Variants in ERC2 observed in about 807,000 individuals in gnomAD.
ERC2 encodes ERC protein 2.
Under a neutral mutation model 114.8 loss-of-function variants are expected in ERC2, and 42 were observed. The ratio of observed to expected loss-of-function variants is 0.37; its 90% CI spans 0.29 to 0.47. The LOEUF (loss-of-function observed/expected upper bound fraction) is 0.47. Among genes scored for constraint, ERC2 ranks in the 20% least tolerant of loss-of-function variants. The pLI, the probability that ERC2 is intolerant of heterozygous loss-of-function variation, is 0.99. For synonymous variants in ERC2, 454 were observed against 425.5 expected (o/e 1.07, Z -0.82); for missense variants, 939 against 1,150.7 (o/e 0.82, Z 2.66).
intron 17 of ERC2, among the ~76,000 whole-genome samples, chr3:55,677,583 G>A (rs2061871261): frequency 6.6e-6 from 1 of 152,060 alleles, no homozygotes; most frequent in Non-Finnish European, 1.5e-5. Context: ...CAGCCCTGGG[G>A]GTGTCACAAC....
chr3:56,339,498 G>A (rs1378051365), intron 2 of ERC2, among the ~76,000 whole-genome samples: 1 of 152,126 alleles, frequency 6.6e-6, no homozygotes. Flanking sequence ...GGTCATAAAG[G>A]AGCTGAGAGG....
chr3:56,452,450 T>C (rs1271712660), intron 1 of ERC2, among the ~76,000 whole-genome samples: 1 of 152,236 alleles, frequency 6.6e-6, no homozygotes, highest in Non-Finnish European at 1.5e-5. Context: ...TGCAGTTAAA[T>C]TAATGTTATG....
intron 14 of ERC2, among the ~76,000 whole-genome samples, chr3:55,763,633 A>G (rs544161112): frequency 1.3e-4 from 20 of 152,348 alleles, no homozygotes; most frequent in African/African-American, 4.6e-4. Context: ...AGCACATAGA[A>G]GTTATTCAGT....
At chr3:55,993,626 C>T (rs1211799907) in intron 10 of ERC2, among the ~76,000 whole-genome samples, 1 of 151,502 alleles carries the variant, frequency 6.6e-6, no homozygotes, top group East Asian at 1.9e-4. Context: ...GAAAAAGTTG[C>T]TTTCATGTTC....
At chr3:55,544,754 T>C (rs919467583) in intron 17 of ERC2, among the ~76,000 whole-genome samples, 2 of 151,920 alleles carry the variant, frequency 1.3e-5, no homozygotes, top group South Asian at 4.2e-4. Flanking sequence ...ACAATCACTA[T>C]CATTCCACAC....
At chr3:56,029,472 C>T (rs2074247249) in intron 7 of ERC2, among the ~76,000 whole-genome samples, 1 of 152,026 alleles carries the variant, frequency 6.6e-6, no homozygotes, top group Non-Finnish European at 1.5e-5. Context: ...ATTTCTTTTT[C>T]AGGAGCCTTT....
At chr3:56,305,242 C>A (rs1481634578) in intron 2 of ERC2, among the ~76,000 whole-genome samples, 1 of 151,830 alleles carries the variant, frequency 6.6e-6, no homozygotes, top group East Asian at 1.9e-4. Context: ...AATGAAAAAA[C>A]AATCCACAGT....
chr3:55,806,306 G>A (rs1020241509), intron 14 of ERC2, among the ~76,000 whole-genome samples: 1 of 148,290 alleles, frequency 6.7e-6, no homozygotes, highest in African/African-American at 2.5e-5. Context: ...CTGCACTCCA[G>A]TCTGGGAGCA....
chr3:56,184,505 G>A (rs964235671), intron 3 of ERC2, among the ~76,000 whole-genome samples: 3 of 152,062 alleles, frequency 2.0e-5, no homozygotes, highest in African/African-American at 7.2e-5. Context: ...CCCATCTAGT[G>A]CCTGATTTGC....
rs1034819510 is a variant in ERC2 at position 55,726,625 on chromosome 3, C to T, written c.2712+8146G>A. 4.6e-5 allele frequency among the ~76,000 whole-genome samples: 7 copies of T among 152,226 alleles called. 1 individual carries two copies. Among genetic ancestry groups the T allele is most frequent in the Admixed American group, 3.3e-4 (5 of 15,282 alleles). On this transcript the variant is annotated intron_variant, in intron 15 of 17. Transcript: ENST00000288221. ...CTGCGACTAATCCTTGTAGACTAAT[C>T]CTTGTAGACAGTCCTATGATTTTCG...
chr3:55,548,207 G>A (rs980939612), intron 17 of ERC2, among the ~76,000 whole-genome samples: 6 of 152,222 alleles, frequency 3.9e-5, no homozygotes, highest in Non-Finnish European at 7.3e-5. Context: ...AATGCCTGTG[G>A]GTGAGATCTA....
chr3:55,529,823 CAGG>C (rs891531582), intron 17 of ERC2, among the ~76,000 whole-genome samples: 16 of 152,292 alleles, frequency 1.1e-4, no homozygotes, highest in African/African-American at 3.8e-4. Context: ...GCAGAAGACA[CAGG>C]AGAAGTAATA....
In ERC2 at chr3:56,119,200, T is replaced by C. The variant is rs193104614; in HGVS notation, c.1473+20309A>G. 5.9e-5 allele frequency among the ~76,000 whole-genome samples: 9 copies of C among 152,296 alleles called. No individual in the cohort carries two copies. In the East Asian group the frequency reaches 1.4e-3, roughly 23 times the overall value. Reference sequence around the variant, plus strand: ...GCTTTAAACCATTGAGATTTTGAGGTTGTTACCACAGCTTAACACAGACCA... The same window carrying C: ...GCTTTAAACCATTGAGATTTTGAGGCTGTTACCACAGCTTAACACAGACCA... On this transcript the variant is annotated intron_variant, in intron 6 of 17. Transcript: ENST00000288221.
At chr3:55,583,250 C>T (rs2057348883) in intron 17 of ERC2, among the ~76,000 whole-genome samples, 1 of 152,090 alleles carries the variant, frequency 6.6e-6, no homozygotes, top group Non-Finnish European at 1.5e-5. Context: ...GGGTTCTGTG[C>T]ATTAGTGAAT....
At chr3:55,942,034 G>T (rs1337531840) in intron 13 of ERC2, among the ~76,000 whole-genome samples, 22 of 152,054 alleles carry the variant, frequency 1.4e-4, no homozygotes, top group Admixed American at 1.2e-3. Flanking sequence ...CAAGCCTTAG[G>T]TATAAGCTTG....
At chr3:56,401,011 C>T (rs1318180596) in intron 2 of ERC2, among the ~76,000 whole-genome samples, 1 of 152,134 alleles carries the variant, frequency 6.6e-6, no homozygotes, top group Non-Finnish European at 1.5e-5. Flanking sequence ...TTCCCACTAG[C>T]AATTGCATGA....
intron 17 of ERC2, among the ~76,000 whole-genome samples, chr3:55,558,064 G>T (rs1231446509): frequency 6.6e-6 from 1 of 152,176 alleles, no homozygotes; most frequent in Non-Finnish European, 1.5e-5. Flanking sequence ...CTTGATAATG[G>T]CAATAGTGTT....
chr3:56,255,420 G>A (rs1019394530), intron 3 of ERC2, among the ~76,000 whole-genome samples: 9 of 152,016 alleles, frequency 5.9e-5, no homozygotes, highest in Non-Finnish European at 7.4e-5. Flanking sequence ...AGCTGCTTTC[G>A]CCACACCACA....
intron 7 of ERC2, among the ~76,000 whole-genome samples, chr3:56,054,081 T>C (rs1242584229): frequency 6.6e-6 from 1 of 152,210 alleles, no homozygotes; most frequent in Non-Finnish European, 1.5e-5. Flanking sequence ...GGCAATTATA[T>C]GGCAATTATT....
Sources: allele counts gnomAD v4.1 joint callset (sites outside exome capture counted in the v4.1 genomes callset), GRCh38; gene constraint gnomAD v4.1.1; transcripts MANE v1.5; gene names NCBI Gene and HGNC (gene_info 2026-07-23, HGNC 2026-07-21).